The following RNF19A variants were observed in gnomAD, a reference collection of about 807,000 sequenced individuals.
RNF19A encodes the protein ring finger protein 19A, RBR E3 ubiquitin protein ligase.
RNF19A carries 32 observed loss-of-function variants against 75.7 expected under a neutral mutation model. That is an observed-to-expected ratio of 0.42 (90% CI 0.32 to 0.57). RNF19A has a LOEUF of 0.57. RNF19A is among the 20% of genes least tolerant of loss of function. The probability of loss-of-function intolerance (pLI) is 0.10; values close to 1 mark genes in which losing one functional copy is unlikely to be tolerated. For synonymous variants in RNF19A, 335 were observed against 345.2 expected (o/e 0.97, Z 0.33); for missense variants, 782 against 1,036.3 (o/e 0.75, Z 3.37).
At chr8:100,270,714 C>T (rs1300158662) in intron 3 of RNF19A, among the ~76,000 whole-genome samples, 1 of 152,062 alleles carries the variant, frequency 6.6e-6, no homozygotes, top group Admixed American at 6.5e-5. Flanking sequence ...AAAACAGTTT[C>T]AGAATAAAAG....
Position 100,258,752 on chromosome 8 carries a change from T to A in RNF19A, c.2321A>T (p.Gln774Leu). ...TTGGGTAACCACAGAAATGCTACAC[T>A]GATGTGGGGAATTTTCCAGACGGTC... ...ENDRLENSPH[Q>L]CSISVVTQTA... The change falls in exon 10 of 10, where the codon CAG becomes CTG. Residue 774 changes from glutamine (Q) to leucine (L), a missense_variant. By Grantham distance (113) the Gln-to-Leu change is moderately radical. Coordinates refer to ENST00000341084, the MANE Select transcript of RNF19A (RefSeq NM_183419.4). The surrounding 1 kb of genome is among the most constrained non-coding windows in gnomAD (Gnocchi z 4.3). 1 of 1,614,100 alleles carries A rather than the reference T, an allele frequency of 6.2e-7. No individual in the cohort carries two copies. Among genetic ancestry groups the A allele is most frequent in the East Asian group, 2.2e-5 (1 of 44,892 alleles).
chr8:100,319,651 T>A (rs980986041), intron 1 of RNF19A, among the ~76,000 whole-genome samples: 1 of 150,270 alleles, frequency 6.7e-6, no homozygotes, highest in African/African-American at 2.4e-5. Context: ...TGCCTCAGCC[T>A]CCTGAGTAGC....
Position 100,261,610 on chromosome 8 carries a change from G to T in RNF19A, c.1614C>A (p.Thr538=). Residue 538 remains threonine (T), a synonymous_variant, in exon 8 of 10, where the codon ACC becomes ACA. Coordinates refer to ENST00000341084, the MANE Select transcript of RNF19A (RefSeq NM_183419.4). This position sits in a 1 kb window ranked among gnomAD's most constrained non-coding sequence, Gnocchi z 4.4. ...TTATACTGGCTCCAGCTAGTGCCAT[G>T]GTGCTGGCCGTTTCACTCAGGTTGT... ...IRDNLSETAS[T]MALAGASITG... 1 of 1,614,060 alleles carries T rather than the reference G, an allele frequency of 6.2e-7. No individual in the cohort carries two copies. Among genetic ancestry groups the T allele is most frequent in the Middle Eastern group, 1.7e-4 (1 of 6,060 alleles).
intron 1 of RNF19A, among the ~76,000 whole-genome samples, chr8:100,288,766 A>G (rs573510824): frequency 2.0e-5 from 3 of 152,334 alleles, no homozygotes; most frequent in Non-Finnish European, 2.9e-5. Context: ...TAGTCAAGAA[A>G]AAGTCCCATA....
At position 100,261,206 on chromosome 8, in the gene RNF19A, T is replaced by A. The variant is rs1000202932; in HGVS notation, c.1682+336A>T. On this transcript the variant is annotated intron_variant, in intron 8 of 9. Transcript: ENST00000341084. The surrounding 1 kb of genome is among the most constrained non-coding windows in gnomAD (Gnocchi z 4.4). Reference sequence around the variant, plus strand: ...AACTCCCAGGCTCAAGTGATCCTCCTACCTCAGCCTCCCGACCAGCTGGGA... The same window carrying A: ...AACTCCCAGGCTCAAGTGATCCTCCAACCTCAGCCTCCCGACCAGCTGGGA... Among the ~76,000 whole-genome samples, 5 of 152,068 alleles carry A rather than the reference T, an allele frequency of 3.3e-5. No homozygotes were observed. The highest frequency in any genetic ancestry group is 7.4e-5 in the Non-Finnish European group (5 of 67,988).
intron 1 of RNF19A, among the ~76,000 whole-genome samples, chr8:100,302,598 G>A (rs1288691219): frequency 1.3e-5 from 2 of 152,190 alleles, no homozygotes; most frequent in Admixed American, 1.3e-4. Context: ...CTGTTATTTG[G>A]ATGGTATGTA....
chr8:100,292,608 T>C (rs1244061373), intron 1 of RNF19A, among the ~76,000 whole-genome samples: 2 of 152,170 alleles, frequency 1.3e-5, no homozygotes, highest in African/African-American at 4.8e-5. Flanking sequence ...TCTAAGATTA[T>C]ATTTTTAAAA....
intron 1 of RNF19A, among the ~76,000 whole-genome samples, chr8:100,315,747 G>A (rs1822363900): frequency 1.3e-5 from 2 of 152,146 alleles, no homozygotes; most frequent in Admixed American, 6.5e-5. Context: ...GGACTCAAGC[G>A]ATCCTCCCAC....
chr8:100,287,260 C>T lies in RNF19A; in HGVS notation c.674+241G>A, dbSNP rs966769186. On this transcript the variant is annotated intron_variant, in intron 2 of 9. Coordinates refer to ENST00000341084, the MANE Select transcript of RNF19A (RefSeq NM_183419.4). This position sits in a 1 kb window ranked among gnomAD's most constrained non-coding sequence, Gnocchi z 4.1. ...TATACAACTAGATCCTGTACTCTAC[C>T]ACCTTACCCTTTCCTTCTAAAAGTG... Among the ~76,000 whole-genome samples, 4 of 152,026 alleles carry T rather than the reference C, an allele frequency of 2.6e-5. No homozygotes were observed. Among genetic ancestry groups the T allele is most frequent in the Admixed American group, 1.3e-4 (2 of 15,266 alleles).
At chr8:100,266,642 CG>C (rs1554667280) in intron 5 of RNF19A, among the ~76,000 whole-genome samples, 14 of 152,034 alleles carry the variant, frequency 9.2e-5, no homozygotes, top group Non-Finnish European at 2.1e-4. Flanking sequence ...TCCTTAATAG[CG>C]GGGGCTACAG....
intron 2 of RNF19A, among the ~76,000 whole-genome samples, chr8:100,280,715 A>G (rs1032828505): frequency 1.3e-5 from 2 of 152,238 alleles, no homozygotes; most frequent in East Asian, 1.9e-4. Context: ...GGTGTTTCAC[A>G]TTCATATGTA....
Position 100,333,388 on chromosome 8 carries a change from C to CATCT in RNF19A, c.-243+2716_-243+2719dup, listed in dbSNP as rs1822634632. ...GTTGTCTTATAAGTAAATCACAGTGCATCTATACCAAGGAAGTTCACATAG... is the reference window on the plus strand; with the variant it reads ...GTTGTCTTATAAGTAAATCACAGTGCATCTATCTATACCAAGGAAGTTCACATAG... On this transcript the variant is annotated intron_variant, in intron 1 of 3. Coordinates refer to the RNF19A transcript ENST00000519527. The surrounding 1 kb of genome is among the most constrained non-coding windows in gnomAD (Gnocchi z 4.7). 1.3e-5 allele frequency among the ~76,000 whole-genome samples: 2 copies of CATCT among 152,172 alleles called. No individual in the cohort carries two copies. Among genetic ancestry groups the CATCT allele is most frequent in the Admixed American group, 6.5e-5 (1 of 15,280 alleles).
intron 7 of RNF19A, among the ~76,000 whole-genome samples, chr8:100,263,618 GCTT>G (rs1320672200): frequency 6.6e-6 from 1 of 152,050 alleles, no homozygotes; most frequent in African/African-American, 2.4e-5. Flanking sequence ...GTCTATGAAG[GCTT>G]TTTTATTCTT....
rs769332178 is a variant in RNF19A, at chr8:100,275,178, A to G, written c.675-17T>C. 6.2e-7 allele frequency: 1 copy of G among 1,600,688 alleles called. No homozygotes were observed. On this transcript the variant is annotated splice_polypyrimidine_tract_variant and intron_variant, in intron 2 of 9. Transcript: ENST00000341084. The surrounding 1 kb of genome is among the most constrained non-coding windows in gnomAD (Gnocchi z 4.3). Reference sequence around the variant, plus strand: ...ACAGCATATCTTGAAAGAACAAGAAAAATGATTTAAAATGTGACATAAAAC... The same window carrying G: ...ACAGCATATCTTGAAAGAACAAGAAGAATGATTTAAAATGTGACATAAAAC...
Position 100,258,611 on chromosome 8 carries a change from T to C in RNF19A, c.2462A>G (p.Asn821Ser), listed in dbSNP as rs774326075. ...TTCCATTGTCTGATGTGAGTGGTTG[T>C]TATTTGTTTCTTTTAGTGCATCGCC... is the stretch of plus-strand genomic sequence containing the variant. ...YFGDALKETN[N>S]NHSHQTMELK... Residue 821 changes from asparagine to serine, a missense_variant, in exon 10 of 10, where the codon AAC becomes AGC. Around this residue, in one of 7 missense-constraint regions of RNF19A, gnomAD observed 442 missense variants for 541.6 expected, o/e 0.82. Coordinates refer to ENST00000341084, the MANE Select transcript of RNF19A (RefSeq NM_183419.4). The surrounding 1 kb of genome is among the most constrained non-coding windows in gnomAD (Gnocchi z 4.3). 2 of 1,613,880 alleles carry C rather than the reference T, an allele frequency of 1.2e-6. No homozygotes were observed. The highest frequency in any genetic ancestry group is 1.3e-5 in the African/African-American group (1 of 74,942).
intron 2 of RNF19A, among the ~76,000 whole-genome samples, chr8:100,280,814 T>C (rs1330717373): frequency 6.6e-6 from 1 of 152,232 alleles, no homozygotes; most frequent in Admixed American, 6.5e-5. Flanking sequence ...TGAAAACAGA[T>C]TGTCAGGCCT....
intron 1 of RNF19A, among the ~76,000 whole-genome samples, chr8:100,292,435 G>GGTGGGT (rs1554671905): frequency 1.4e-5 from 2 of 145,332 alleles, no homozygotes; most frequent in Admixed American, 1.4e-4. Context: ...CTATCATATG[G>GGTGGGT]GTGTGTGTGT....
At chr8:100,311,850 C>T (rs1822303821), upstream of RNF19A, among the ~76,000 whole-genome samples, 1 of 152,106 alleles carries the variant, frequency 6.6e-6, no homozygotes, top group Non-Finnish European at 1.5e-5. Flanking sequence ...GTCTTACACT[C>T]TGTACAACGG....
rs201085525 is a variant in RNF19A at position 100,276,308 on chromosome 8, CA to C, written c.675-1148del. On this transcript the variant is annotated intron_variant, in intron 2 of 9. Coordinates refer to ENST00000341084, the MANE Select transcript of RNF19A (RefSeq NM_183419.4). ...CCTTAGGTGACTCTTCAGAGAATTA[CA>C]CCGAGTGAAAAAAGTCAATCTCAAA... Among the ~76,000 whole-genome samples the C allele has an allele frequency of 5.2e-3, 786 of 152,252 alleles. 10 individuals carry two copies. The highest frequency in any genetic ancestry group is 0.019 in the African/African-American group (769 of 41,540).
Sources: allele counts gnomAD v4.1 joint callset (sites outside exome capture counted in the v4.1 genomes callset), GRCh38; gene constraint gnomAD v4.1.1; regional missense constraint gnomAD v4.1.1; non-coding constraint Gnocchi (gnomAD v3.1); transcripts MANE v1.5; gene names NCBI Gene and HGNC (gene_info 2026-07-23, HGNC 2026-07-21).